TANGO6: variants seen among roughly 807,000 people sequenced by gnomAD.
The protein encoded by TANGO6 is transport and golgi organization 6 homolog.
Under a neutral mutation model 114.2 loss-of-function variants are expected in TANGO6, and 90 were observed. That is an observed-to-expected ratio of 0.79 (90% CI 0.66 to 0.94). The LOEUF (loss-of-function observed/expected upper bound fraction) is 0.94, where lower values mean the gene tolerates loss of function less well. TANGO6 is among the 40% of genes least tolerant of loss of function. TANGO6 has a pLI of 0.00. For synonymous variants in TANGO6, 477 were observed against 509.8 expected, an observed-to-expected ratio of 0.94 and a Z score of 0.87; for missense variants, 1,274 against 1,315.3, an observed-to-expected ratio of 0.97 and a Z score of 0.49.
chr16:68,994,742 T>C (rs1963975895), intron 15 of TANGO6, among the ~76,000 whole-genome samples: 1 of 151,638 alleles, frequency 6.6e-6, no homozygotes, highest in Non-Finnish European at 1.5e-5. Context: ...GTCCAGCTAA[T>C]TTAAAAAAAA....
In TANGO6 at chr16:68,860,288, G is replaced by T. The variant is rs891682315; in HGVS notation, c.499G>T (p.Val167Phe). 6.2e-7 allele frequency: 1 copy of T among 1,613,970 alleles called. No individual in the cohort carries two copies. The highest frequency in any genetic ancestry group is 1.7e-5 in the Admixed American group (1 of 60,010). The change falls in exon 2 of 18, where the codon GTC becomes TTC. Residue 167 changes from valine to phenylalanine, a missense_variant. By Grantham distance (50) the Val-to-Phe change is conservative (BLOSUM62 -1). Transcript: ENST00000261778. Reference sequence around the variant, plus strand: ...CCCCTATCTCATGCCTGGTGTTGGAGTCCCTTTGAGATATAGAACTGAATT... The same window carrying T: ...CCCCTATCTCATGCCTGGTGTTGGATTCCCTTTGAGATATAGAACTGAATT... ...ICPYLMPGVGVPLRYRTEFGA... is the reference protein window; with the variant it reads ...ICPYLMPGVGFPLRYRTEFGA...
chr16:68,948,718 A>G (rs1369646396), intron 14 of TANGO6, among the ~76,000 whole-genome samples: 1 of 152,168 alleles, frequency 6.6e-6, no homozygotes, highest in Non-Finnish European at 1.5e-5. Context: ...CAATGTGTCA[A>G]GTGTTAATTT....
At chr16:68,993,295 T>A (rs144835681) in intron 15 of TANGO6, among the ~76,000 whole-genome samples, 7 of 152,338 alleles carry the variant, frequency 4.6e-5, no homozygotes, top group African/African-American at 7.2e-5. Flanking sequence ...ATTTTCAGTG[T>A]CTTCATACTT....
At chr16:69,020,902 GTA>G (rs1479322458) in intron 15 of TANGO6, among the ~76,000 whole-genome samples, 293 of 53,454 alleles carry the variant, frequency 5.5e-3, no homozygotes, top group African/African-American at 0.01. Context: ...ATATATGTAT[GTA>G]TGTGTGTGTG....
intron 7 of TANGO6, among the ~76,000 whole-genome samples, chr16:68,888,302 AGAAG>A (rs1962565475): frequency 6.6e-6 from 1 of 152,142 alleles, no homozygotes; most frequent in Admixed American, 6.6e-5. Flanking sequence ...CCCTGGTATG[AGAAG>A]GATTAATAGT....
intron 14 of TANGO6, among the ~76,000 whole-genome samples, chr16:68,970,879 C>G (rs192963592): frequency 1.5e-3 from 225 of 152,026 alleles, no homozygotes; most frequent in African/African-American, 4.8e-3. Context: ...AGCTATGGGC[C>G]GGGCGCAGTG....
chr16:68,863,345 C>T (rs1028283348), intron 3 of TANGO6, among the ~76,000 whole-genome samples: 12 of 152,238 alleles, frequency 7.9e-5, no homozygotes, highest in Non-Finnish European at 1.0e-4. Context: ...CGGTGGCTCA[C>T]GCCTGTAATC....
Position 69,008,642 on chromosome 16 carries a change from G to GT in TANGO6, c.2843-14176dup, listed in dbSNP as rs920983562. The stretch of plus-strand genomic sequence containing the variant: ...TGTTTTGTTTTGTTTTGTTTGTTTG[G>GT]TTTTTTTTTTGGAGATGGAGTCTCA... On this transcript the variant is annotated intron_variant, in intron 15 of 17. Transcript: ENST00000261778. 6.0e-3 allele frequency among the ~76,000 whole-genome samples: 879 copies of GT among 147,262 alleles called. 4 individuals are homozygous for GT. Among genetic ancestry groups the GT allele is most frequent in the South Asian group, 0.017 (80 of 4,694 alleles).
chr16:69,021,425 C>T (rs935576109), intron 15 of TANGO6, among the ~76,000 whole-genome samples: 1 of 152,266 alleles, frequency 6.6e-6, no homozygotes, highest in Middle Eastern at 3.4e-3. Flanking sequence ...AACCTGAAGT[C>T]GGCCACCATT....
At chr16:69,012,675 G>C (rs1468415796) in intron 15 of TANGO6, among the ~76,000 whole-genome samples, 2 of 151,014 alleles carry the variant, frequency 1.3e-5, no homozygotes, top group Non-Finnish European at 2.9e-5. Context: ...GTTGTAGTCT[G>C]TAATGAATGC....
chr16:69,052,732 G>A (rs1394243078), intron 17 of TANGO6, among the ~76,000 whole-genome samples: 1 of 152,100 alleles, frequency 6.6e-6, no homozygotes, highest in African/African-American at 2.4e-5. Context: ...TGAAATCCCA[G>A]CTTTGCAACT....
Position 68,849,333 on chromosome 16 carries a change from C to CA in TANGO6, c.94+5631dup, listed in dbSNP as rs376441116. Among the ~76,000 whole-genome samples, 927 of 149,622 alleles carry CA rather than the reference C, an allele frequency of 6.2e-3. 10 individuals are homozygous for CA. The highest frequency in any genetic ancestry group is 0.021 in the African/African-American group (871 of 40,802). On this transcript the variant is annotated intron_variant, in intron 1 of 17. Transcript: ENST00000261778. ...TGGGCGACAAAGTGAGACCCTGTCCCAAAAAAAAAGAAATTATCATTGGCT... is the reference window on the plus strand; with the variant it reads ...TGGGCGACAAAGTGAGACCCTGTCCCAAAAAAAAAAGAAATTATCATTGGCT...
Position 68,875,154 on chromosome 16 carries a change from C to G in TANGO6, c.995C>G (p.Ala332Gly). The change falls in exon 5 of 18, where the codon GCG becomes GGG. Residue 332 changes from alanine to glycine, a missense_variant and splice_region_variant. Physicochemically the swap from Ala to Gly is moderately conservative, Grantham distance 60. Transcript: ENST00000261778. ...CTAACATCTCTCTCCATTGTGCCAG[C>G]GGGAGCAGCTGGTGGAAGTGATGCT... Reference protein sequence around the residue: ...VVRGILEGAGAGAAGGSDAEV... With the variant: ...VVRGILEGAGGGAAGGSDAEV... The G allele has an allele frequency of 6.2e-7, 1 of 1,610,034 alleles. No homozygotes were observed. The highest frequency in any genetic ancestry group is 1.1e-5 in the South Asian group (1 of 90,626).
intron 17 of TANGO6, among the ~76,000 whole-genome samples, chr16:69,042,559 A>G (rs2152234824): frequency 6.6e-6 from 1 of 152,216 alleles, no homozygotes; most frequent in African/African-American, 2.4e-5. Context: ...AAAACAAACA[A>G]AAAACTTCTG....
Position 68,843,550 on chromosome 16 carries a change from A to T in TANGO6, c.-68A>T. 1.3e-6 allele frequency: 2 copies of T among 1,499,538 alleles called. No homozygotes were observed. Among genetic ancestry groups the T allele is most frequent in the Non-Finnish European group, 1.8e-6 (2 of 1,086,692 alleles). 92.9% of individuals were successfully genotyped at this position (1,499,538 alleles called of 1,614,324 possible). A position where few individuals can be genotyped will look rare whatever the true frequency, so the allele number is the denominator to read the frequency against. On this transcript the variant is annotated 5_prime_UTR_variant, in exon 1 of 18. Coordinates refer to ENST00000261778, the MANE Select transcript of TANGO6 (RefSeq NM_024562.2). ...GTGCCCAGAGCCTTCTGCCACACTTAACATGGCGGCGGCGGCGCCCTGCCG... is the reference window on the plus strand; with the variant it reads ...GTGCCCAGAGCCTTCTGCCACACTTTACATGGCGGCGGCGGCGCCCTGCCG...
chr16:68,932,273 A>G (rs890019078), intron 14 of TANGO6, among the ~76,000 whole-genome samples: 1 of 152,042 alleles, frequency 6.6e-6, no homozygotes, highest in Non-Finnish European at 1.5e-5. Context: ...TATTTTTAGT[A>G]GAGACGGGGG....
At chr16:68,916,753 T>G (rs951621849) in intron 11 of TANGO6, among the ~76,000 whole-genome samples, 13 of 150,858 alleles carry the variant, frequency 8.6e-5, no homozygotes, top group South Asian at 4.2e-4. Flanking sequence ...TTATAAAGAG[T>G]TTTTTTTTAG....
At chr16:68,912,550 C>G (rs1367281215) in intron 11 of TANGO6, among the ~76,000 whole-genome samples, 1 of 152,052 alleles carries the variant, frequency 6.6e-6, no homozygotes, top group Non-Finnish European at 1.5e-5. Flanking sequence ...AGGAGAATTG[C>G]GTGAACTTGG....
Position 68,860,029 on chromosome 16 carries a change from G to A in TANGO6, c.240G>A (p.Lys80=), listed in dbSNP as rs768775478. The A allele has an allele frequency of 1.2e-6, 2 of 1,613,958 alleles. No homozygotes were observed. Among genetic ancestry groups the A allele is most frequent in the Non-Finnish European group, 1.7e-6 (2 of 1,179,894 alleles). Reference sequence around the variant, plus strand: ...TCCTAAGAGATGAAATTGCTGATAAGGCAGAATGGCCACAAAACTCTGTGG... The same window carrying A: ...TCCTAAGAGATGAAATTGCTGATAAAGCAGAATGGCCACAAAACTCTGTGG... ...LKLLRDEIAD[K]AEWPQNSVDV... Residue 80 remains lysine (K), a synonymous_variant, in exon 2 of 18, where the codon AAG becomes AAA. Transcript: ENST00000261778.
Sources: allele counts gnomAD v4.1 joint callset (sites outside exome capture counted in the v4.1 genomes callset), GRCh38; gene constraint gnomAD v4.1.1; transcripts MANE v1.5; gene names NCBI Gene and HGNC (gene_info 2026-07-23, HGNC 2026-07-21).